The following KIF27 variants were observed in gnomAD, a reference collection of about 807,000 sequenced individuals.
KIF27 encodes kinesin family member 27.
Under a neutral mutation model 141.8 loss-of-function variants are expected in KIF27, and 84 were observed. The ratio of observed to expected loss-of-function variants is 0.59; its 90% CI spans 0.50 to 0.71. KIF27 has a LOEUF of 0.71. Among genes scored for constraint, KIF27 ranks in the 30% least tolerant of loss-of-function variants. The pLI, the probability that KIF27 is intolerant of heterozygous loss-of-function variation, is 0.00. For synonymous variants in KIF27, 471 were observed against 569.5 expected, an observed-to-expected ratio of 0.83 and a Z score of 2.46; for missense variants, 1,306 against 1,628.4, an observed-to-expected ratio of 0.80 and a Z score of 3.41.
rs1945770087 is a variant in KIF27 at position 83,835,809 on chromosome 9, A to C, written c.*1192T>G. 1 of 152,220 alleles carries C rather than the reference A, an allele frequency of 6.6e-6. No individual in the cohort carries two copies. Among genetic ancestry groups the C allele is most frequent in the South Asian group, 2.1e-4 (1 of 4,836 alleles). The allele number at this position is 152,220 out of a possible 1,614,324, so 9.4% of individuals were successfully genotyped here. A position where few individuals can be genotyped will look rare whatever the true frequency, so the allele number is the denominator to read the frequency against. On this transcript the variant is annotated 3_prime_UTR_variant, in exon 18 of 18. Coordinates refer to ENST00000297814, the MANE Select transcript of KIF27 (RefSeq NM_017576.4). The stretch of plus-strand genomic sequence containing the variant: ...TGGTTTTGCTACAGCCCCCAACAAA[A>C]CATTAATTAGTTTAAGAAACTCAAC...
chr9:83,883,813 C>T lies in KIF27; in HGVS notation c.2445G>A (p.Gln815=). 1 of 1,602,034 alleles carries T rather than the reference C, an allele frequency of 6.2e-7. No homozygotes were observed. Among genetic ancestry groups the T allele is most frequent in the Non-Finnish European group, 8.5e-7 (1 of 1,171,166 alleles). ...KKMDAAKLRV[Q]VLQKKQQDSK... Reference sequence around the variant, plus strand: ...TTCTCAATTACATTTTTTAAATTACCTGAACTCTCAGCTTTGCAGCATCCA... The same window carrying T: ...TTCTCAATTACATTTTTTAAATTACTTGAACTCTCAGCTTTGCAGCATCCA... The change falls in exon 10 of 18, where the codon CAG becomes CAA. Residue 815 remains glutamine, a splice_region_variant and synonymous_variant. Coordinates refer to ENST00000297814, the MANE Select transcript of KIF27 (RefSeq NM_017576.4).
rs1369874182 is a variant in KIF27 at position 83,834,400 on chromosome 9, T to C, written c.*2601A>G. 6.6e-6 allele frequency among the ~76,000 whole-genome samples: 1 copy of C among 152,114 alleles called. No homozygotes were observed. Among genetic ancestry groups the C allele is most frequent in the Non-Finnish European group, 1.5e-5 (1 of 67,964 alleles). The stretch of plus-strand genomic sequence containing the variant: ...TTATTTATATGTGTGTTTGCATATG[T>C]GGCATGAAATGTCATATATATAAAG... On this transcript the variant is annotated 3_prime_UTR_variant, in exon 18 of 18. Transcript: ENST00000297814.
At chr9:83,906,392 C>T (rs1016575910) in intron 3 of KIF27, among the ~76,000 whole-genome samples, 6 of 152,134 alleles carry the variant, frequency 3.9e-5, no homozygotes, top group Admixed American at 6.5e-5. Flanking sequence ...AAATTCCCTC[C>T]TCTGGCAGGT....
At chr9:83,843,997 A>G (rs1946893896) in intron 16 of KIF27, among the ~76,000 whole-genome samples, 1 of 152,136 alleles carries the variant, frequency 6.6e-6, no homozygotes, top group African/African-American at 2.4e-5. Flanking sequence ...GTGTCTGTGA[A>G]AGTGTTGCCA....
At chr9:83,888,627 C>T (rs11140284) in intron 7 of KIF27, 35 bp from the exon 8 acceptor site, 27 of 1,278,802 alleles carry the variant, frequency 2.1e-5, no homozygotes, top group Admixed American at 1.3e-4. Flanking sequence ...CTTATTTGTT[C>T]GTGTTTTCTA....
At chr9:83,918,322 A>AGG (rs1680513306) in intron 1 of KIF27, among the ~76,000 whole-genome samples, 2 of 60,312 alleles carry the variant, frequency 3.3e-5, no homozygotes, top group African/African-American at 1.1e-4. Context: ...AACGAGAGAA[A>AGG]TGGGGGGGGG....
chr9:83,885,687 A>G (rs1170688199), intron 9 of KIF27, among the ~76,000 whole-genome samples: 1 of 152,148 alleles, frequency 6.6e-6, no homozygotes, highest in African/African-American at 2.4e-5. Flanking sequence ...GCTGGAATGC[A>G]GTGGTGCAAT....
rs1955127980 is a variant in KIF27 at position 83,911,223 on chromosome 9, C to T, written c.299-2571G>A. 2.6e-5 allele frequency among the ~76,000 whole-genome samples: 4 copies of T among 152,126 alleles called. 1 individual carries two copies. Among genetic ancestry groups the T allele is most frequent in the South Asian group, 4.2e-4 (2 of 4,818 alleles). ...CTGGGACTACAGGCATGTGCCACCA[C>T]ATCAAGCTAATTTTTTTGTTGCTTT... On this transcript the variant is annotated intron_variant, in intron 2 of 17. Transcript: ENST00000297814.
At chr9:83,902,557 G>T (rs755708877) in intron 4 of KIF27, among the ~76,000 whole-genome samples, 11 of 151,790 alleles carry the variant, frequency 7.2e-5, no homozygotes, top group East Asian at 1.9e-4. Context: ...TAATTTGTTG[G>T]TTTTTTTTAA....
chr9:83,919,649 C>T (rs1956058676), intron 1 of KIF27, among the ~76,000 whole-genome samples: 1 of 150,178 alleles, frequency 6.7e-6, no homozygotes, highest in Admixed American at 6.6e-5. Context: ...AATCCCAGCA[C>T]TTTGGGAGGC....
intron 11 of KIF27, among the ~76,000 whole-genome samples, chr9:83,872,415 G>C (rs1038578320): frequency 1.7e-4 from 26 of 152,188 alleles, no homozygotes; most frequent in Non-Finnish European, 3.2e-4. Context: ...ACAGGAAGGA[G>C]GCCATGAGTC....
chr9:83,886,440 GCTTA>G (rs1175830229), intron 9 of KIF27, among the ~76,000 whole-genome samples: 1 of 151,956 alleles, frequency 6.6e-6, no homozygotes, highest in Non-Finnish European at 1.5e-5. Flanking sequence ...GTCAGTGAGT[GCTTA>G]CTTTTCAATG....
In KIF27 at chr9:83,903,222, G is replaced by A. The variant is rs569987566; in HGVS notation, c.1296C>T (p.Asn432=). ...LVDLKDTVRL[N]EKQQHKLQEW... ...CCTGCAGTTTGTGTTGCTGCTTTTC[G>A]TTTAGTCTGACAGTATCTTTTAGGT... Residue 432 remains asparagine (N), a synonymous_variant, in exon 4 of 18, where the codon AAC becomes AAT. Coordinates refer to ENST00000297814, the MANE Select transcript of KIF27 (RefSeq NM_017576.4). 19 of 1,613,944 alleles carry A rather than the reference G, an allele frequency of 1.2e-5. No individual in the cohort carries two copies. Among genetic ancestry groups the A allele is most frequent in the African/African-American group, 5.3e-5 (4 of 74,862 alleles).
intron 12 of KIF27, among the ~76,000 whole-genome samples, chr9:83,869,461 C>T (rs549035327): frequency 1.3e-5 from 2 of 152,206 alleles, no homozygotes; most frequent in South Asian, 2.1e-4. Context: ...TTCAGCTGGG[C>T]GCGGTGGCTC....
At chr9:83,850,048 G>A (rs374057778) in intron 16 of KIF27, 51 bp downstream of exon 16, 68 of 1,458,988 alleles carry the variant, frequency 4.7e-5, no homozygotes, top group Non-Finnish European at 1.4e-5. Flanking sequence ...TCTTCCTTCA[G>A]TACCCACACC....
At chr9:83,864,665 A>C (rs1950210058) in intron 13 of KIF27, among the ~76,000 whole-genome samples, 1 of 152,172 alleles carries the variant, frequency 6.6e-6, no homozygotes, top group Non-Finnish European at 1.5e-5. Context: ...TTTGGGGTGG[A>C]AAGTTCTGTA....
chr9:83,915,131 C>T (rs534853601), intron 2 of KIF27, among the ~76,000 whole-genome samples, 163 bp downstream of exon 2: 14 of 152,288 alleles, frequency 9.2e-5, no homozygotes, highest in East Asian at 5.8e-4. Flanking sequence ...TATTTAAAAA[C>T]GAATCTTTCA....
rs1948159509 is a variant in KIF27 at position 83,848,641 on chromosome 9, C to T, written c.3556+1458G>A. On this transcript the variant is annotated intron_variant, in intron 16 of 17. Coordinates refer to ENST00000297814, the MANE Select transcript of KIF27 (RefSeq NM_017576.4). Reference sequence around the variant, plus strand: ...ATGATATATATATGCTATTCTGTCCCTTTAGAGATCCTTGATTAATACAGA... The same window carrying T: ...ATGATATATATATGCTATTCTGTCCTTTTAGAGATCCTTGATTAATACAGA... The T allele has an allele frequency of 2.7e-5, 4 of 149,540 alleles. No homozygotes were observed. In the South Asian group the frequency reaches 8.4e-4, roughly 31 times the overall value. 9.3% of individuals were successfully genotyped at this position (149,540 alleles called of 1,614,324 possible). A position where few individuals can be genotyped will look rare whatever the true frequency, so the allele number is the denominator to read the frequency against.
intron 5 of KIF27, among the ~76,000 whole-genome samples, chr9:83,892,056 ATGTG>A (rs1316116753): frequency 6.6e-6 from 1 of 152,068 alleles, no homozygotes; most frequent in Non-Finnish European, 1.5e-5. Flanking sequence ...TGTATCAGGA[ATGTG>A]TGTGTGTGTT....
Sources: gnomAD v4.1 joint callset for allele counts (sites outside exome capture counted in the v4.1 genomes callset) on GRCh38, gnomAD v4.1.1 for gene constraint, MANE v1.5 for transcripts, NCBI Gene and HGNC (gene_info 2026-07-23, HGNC 2026-07-21) for gene names.